Variants in TINAG observed in about 807,000 individuals in gnomAD.
The protein encoded by TINAG is tubulointerstitial nephritis antigen.
In TINAG, 83 loss-of-function variants were observed where a neutral mutation model predicts 72.7. The ratio of observed to expected loss-of-function variants is 1.14; its 90% CI spans 0.96 to 1.37. The LOEUF (loss-of-function observed/expected upper bound fraction) is 1.37, where lower values mean the gene tolerates loss of function less well. TINAG is among the 40% of genes most tolerant of loss of function. TINAG has a pLI of 0.00. For synonymous variants in TINAG, 234 were observed against 189.9 expected (o/e 1.23, Z -1.91); for missense variants, 685 against 576.6 (o/e 1.19, Z -1.93).
At chr6:54,345,368 G>T (rs1582724690) in intron 5 of TINAG, among the ~76,000 whole-genome samples, 1 of 152,060 alleles carries the variant, frequency 6.6e-6, no homozygotes, top group African/African-American at 2.4e-5. Context: ...GATTTGTGAG[G>T]CTGGAAGAGA....
chr6:54,369,188 C>T (rs550080014), intron 9 of TINAG, among the ~76,000 whole-genome samples: 1 of 151,954 alleles, frequency 6.6e-6, no homozygotes, highest in South Asian at 2.1e-4. Context: ...TATGCTTGCT[C>T]CTCATGAGCT....
intron 1 of TINAG, among the ~76,000 whole-genome samples, chr6:54,311,517 C>T (rs541876610): frequency 2.3e-4 from 35 of 152,280 alleles, no homozygotes; most frequent in Non-Finnish European, 3.7e-4. Context: ...TACGGGGACA[C>T]GTCTCTAACA....
intron 3 of TINAG, among the ~76,000 whole-genome samples, chr6:54,325,769 A>G (rs1048071154): frequency 6.6e-6 from 1 of 152,198 alleles, no homozygotes; most frequent in Non-Finnish European, 1.5e-5. Context: ...CTTTTGAATT[A>G]TACTACAATA....
At chr6:54,328,250 G>A (rs145451018) in intron 4 of TINAG, among the ~76,000 whole-genome samples, 1 of 152,110 alleles carries the variant, frequency 6.6e-6, no homozygotes, top group Non-Finnish European at 1.5e-5. Flanking sequence ...TGCTGCTCTG[G>A]GATGAAGCTT....
At chr6:54,379,897 A>C (rs1348267891) in intron 9 of TINAG, among the ~76,000 whole-genome samples, 1 of 152,078 alleles carries the variant, frequency 6.6e-6, no homozygotes, top group Non-Finnish European at 1.5e-5. Context: ...AGTCATCTAC[A>C]TTAGGTATTT....
chr6:54,388,951 T>G (rs1456147465), intron 10 of TINAG, among the ~76,000 whole-genome samples: 2 of 152,190 alleles, frequency 1.3e-5, no homozygotes, highest in Non-Finnish European at 2.9e-5. Context: ...CTCTTAAATC[T>G]ATCCACTTGA....
chr6:54,357,532 C>T lies in TINAG; in HGVS notation c.1250+2896C>T, dbSNP rs945042986. On this transcript the variant is annotated intron_variant, in intron 9 of 10. Transcript: ENST00000259782. Reference sequence around the variant, plus strand: ...ATCTTCTCCCTTTATTCTTGCTAAACAGCATCAATCTTTTCTATCTTAATT... The same window carrying T: ...ATCTTCTCCCTTTATTCTTGCTAAATAGCATCAATCTTTTCTATCTTAATT... 2.0e-5 allele frequency among the ~76,000 whole-genome samples: 3 copies of T among 151,960 alleles called. No individual in the cohort carries two copies. In the East Asian group the frequency reaches 5.8e-4, roughly 29 times the overall value.
At position 54,351,521 on chromosome 6, in the gene TINAG, C is replaced by T. The variant is rs1785266800; in HGVS notation, c.1126+124C>T. 3 of 767,422 alleles carry T rather than the reference C, an allele frequency of 3.9e-6. No homozygotes were observed. In the Admixed American group the frequency reaches 9.2e-5, roughly 24 times the overall value. The allele number at this position is 767,422 out of a possible 1,614,324, so 47.5% of individuals were successfully genotyped here. On this transcript the variant is annotated intron_variant, in intron 8 of 10. Transcript: ENST00000259782. ...TTTTACTTTAAGAGTATCCAAAAGG[C>T]TTCAACAGTTCTAAAATGAGTGCAG...
At chr6:54,321,421 C>A in intron 3 of TINAG, 35 bp downstream of exon 3, 2 of 1,405,210 alleles carry the variant, frequency 1.4e-6, no homozygotes, top group Non-Finnish European at 2.0e-6. Flanking sequence ...TTTCTTGACA[C>A]TGCCATTTAC....
intron 9 of TINAG, among the ~76,000 whole-genome samples, chr6:54,358,548 A>AG (rs1055701485): frequency 1.3e-5 from 2 of 151,622 alleles, no homozygotes; most frequent in African/African-American, 4.8e-5. Context: ...AAAAAAAAAA[A>AG]AAAGATTAGG....
At chr6:54,337,061 A>T (rs1784881371) in intron 4 of TINAG, among the ~76,000 whole-genome samples, 1 of 151,952 alleles carries the variant, frequency 6.6e-6, no homozygotes, top group South Asian at 2.1e-4. Flanking sequence ...TGAGGTGAGA[A>T]ATGGAAAATT....
At chr6:54,317,570 A>G (rs890105912) in intron 1 of TINAG, among the ~76,000 whole-genome samples, 2 of 152,162 alleles carry the variant, frequency 1.3e-5, no homozygotes, top group Non-Finnish European at 2.9e-5. Context: ...GCCATGTGGA[A>G]CTGTGAGTCT....
At chr6:54,332,311 C>A (rs1180285330) in intron 4 of TINAG, among the ~76,000 whole-genome samples, 1 of 152,076 alleles carries the variant, frequency 6.6e-6, no homozygotes, top group Non-Finnish European at 1.5e-5. Context: ...CGAAATAACA[C>A]CACACATTTA....
At chr6:54,335,781 C>T (rs1435840958) in intron 4 of TINAG, among the ~76,000 whole-genome samples, 1 of 152,126 alleles carries the variant, frequency 6.6e-6, no homozygotes, top group East Asian at 1.9e-4. Flanking sequence ...GGTGCACTCC[C>T]CTCACCGCCC....
At chr6:54,310,300 G>A (rs182426659) in intron 1 of TINAG, among the ~76,000 whole-genome samples, 374 of 151,752 alleles carry the variant, frequency 2.5e-3, no homozygotes, top group Middle Eastern at 6.8e-3. Flanking sequence ...GCCTAGGCTC[G>A]TCTTAAAACT....
intron 10 of TINAG, among the ~76,000 whole-genome samples, chr6:54,387,224 C>A (rs1764123156): frequency 6.6e-6 from 1 of 152,048 alleles, no homozygotes; most frequent in Admixed American, 6.6e-5. Flanking sequence ...TTCATATACA[C>A]TAGATTAGCT....
At chr6:54,386,645 T>C (rs576877577) in intron 10 of TINAG, among the ~76,000 whole-genome samples, 15 of 152,148 alleles carry the variant, frequency 9.9e-5, no homozygotes, top group Admixed American at 2.0e-4. Flanking sequence ...AATCCTCTTT[T>C]AAGGGGCTTC....
intron 9 of TINAG, among the ~76,000 whole-genome samples, chr6:54,380,014 G>A (rs1763898110): frequency 6.6e-6 from 1 of 152,042 alleles, no homozygotes; most frequent in Non-Finnish European, 1.5e-5. Context: ...TCACTTGTGA[G>A]TGAGAACATG....
rs1764206957 is a variant in TINAG at position 54,390,098 on chromosome 6, G to A, written c.*173G>A. 1 of 842,862 alleles carries A rather than the reference G, an allele frequency of 1.2e-6. No individual in the cohort carries two copies. Among genetic ancestry groups the A allele is most frequent in the Non-Finnish European group, 1.7e-6 (1 of 574,820 alleles). The allele number at this position is 842,862 out of a possible 1,614,324, so 52.2% of individuals were successfully genotyped here. On this transcript the variant is annotated 3_prime_UTR_variant, in exon 11 of 11. Transcript: ENST00000259782. ...ATGCTTCTGCTTCCTTCATATTACT[G>A]AGCATTAACAACACCAATAAAGGAC...
Sources: gnomAD v4.1 joint callset for allele counts (sites outside exome capture counted in the v4.1 genomes callset) on GRCh38, gnomAD v4.1.1 for gene constraint, MANE v1.5 for transcripts, NCBI Gene and HGNC (gene_info 2026-07-23, HGNC 2026-07-21) for gene names.